Variants in AKAP19 observed in about 807,000 individuals in gnomAD.
The protein encoded by AKAP19 is small A-kinase anchoring protein.
chr2:189,985,643 A>G, the AKAP19 span, among the ~76,000 whole-genome samples: 1 of 152,206 alleles, frequency 6.6e-6, no homozygotes, highest in Admixed American at 6.5e-5. Flanking sequence ...AACAAAAAGA[A>G]TGAGCTTGGA....
chr2:190,066,561 A>G, the AKAP19 span, among the ~76,000 whole-genome samples: 4 of 152,226 alleles, frequency 2.6e-5, no homozygotes, highest in Non-Finnish European at 5.9e-5. Flanking sequence ...TCTTAGAGCC[A>G]GAAAAAATCT....
the AKAP19 span, among the ~76,000 whole-genome samples, chr2:189,991,356 C>G: frequency 6.6e-6 from 1 of 152,076 alleles, no homozygotes; most frequent in Admixed American, 6.6e-5. Context: ...ACTGCAACAT[C>G]TATTATTTTT....
At chr2:190,155,722 T>G in the AKAP19 span, among the ~76,000 whole-genome samples, 1 of 152,110 alleles carries the variant, frequency 6.6e-6, no homozygotes, top group Non-Finnish European at 1.5e-5. Context: ...AGAGAGTAGC[T>G]TGAACAATGA....
the AKAP19 span, among the ~76,000 whole-genome samples, chr2:190,106,051 G>A: frequency 5.3e-5 from 8 of 152,342 alleles, no homozygotes; most frequent in East Asian, 1.5e-3. Flanking sequence ...TTTTCATATT[G>A]TGTGACAAGA....
the AKAP19 span, among the ~76,000 whole-genome samples, chr2:190,092,423 G>A: frequency 6.6e-6 from 1 of 151,928 alleles, no homozygotes; most frequent in Non-Finnish European, 1.5e-5. Context: ...GGTCTCGGGG[G>A]TAAGGGCACA....
chr2:190,142,749 G>A, the AKAP19 span, among the ~76,000 whole-genome samples: 1 of 152,214 alleles, frequency 6.6e-6, no homozygotes, highest in Non-Finnish European at 1.5e-5. Flanking sequence ...CTTGACTGCA[G>A]CCACTGTGCA....
chr2:190,129,248 A>G, the AKAP19 span, among the ~76,000 whole-genome samples: 1 of 152,178 alleles, frequency 6.6e-6, no homozygotes, highest in African/African-American at 2.4e-5. Flanking sequence ...CTTTTTCTAT[A>G]AAAGTGTGGT....
the AKAP19 span, among the ~76,000 whole-genome samples, chr2:189,998,860 C>A: frequency 1.4e-5 from 2 of 147,066 alleles, no homozygotes; most frequent in Admixed American, 1.4e-4. Context: ...GCAACCTCCA[C>A]CTCCCAAGTT....
chr2:189,935,384 TA>T, the AKAP19 span, among the ~76,000 whole-genome samples: 1 of 152,066 alleles, frequency 6.6e-6, no homozygotes, highest in Non-Finnish European at 1.5e-5. Flanking sequence ...CTAACATTGG[TA>T]AAGTAAATAT....
At chr2:190,007,907 A>C in the AKAP19 span, among the ~76,000 whole-genome samples, 1 of 152,216 alleles carries the variant, frequency 6.6e-6, no homozygotes, top group East Asian at 1.9e-4. Context: ...GGTTGCAGTG[A>C]GCCGAGATCA....
the AKAP19 span, among the ~76,000 whole-genome samples, chr2:190,048,882 A>G: frequency 2.0e-5 from 3 of 152,204 alleles, no homozygotes. Flanking sequence ...TTCTTCCTTC[A>G]CACTTATGAC....
the AKAP19 span, among the ~76,000 whole-genome samples, chr2:190,198,875 C>A: frequency 1.3e-5 from 2 of 152,112 alleles, no homozygotes; most frequent in Non-Finnish European, 2.9e-5. Flanking sequence ...GCTTAGAAGG[C>A]ACATCACAAG....
chr2:189,903,650 CTTTTA>C, the AKAP19 span, among the ~76,000 whole-genome samples: 2 of 151,900 alleles, frequency 1.3e-5, no homozygotes, highest in Non-Finnish European at 2.9e-5. Context: ...TAAATTTTGA[CTTTTA>C]TTTTAGATAC....
chr2:190,109,913 G>A, the AKAP19 span, among the ~76,000 whole-genome samples: 2 of 152,172 alleles, frequency 1.3e-5, no homozygotes, highest in Non-Finnish European at 2.9e-5. Context: ...GATTGGCCTA[G>A]GGCAGTAGCT....
chr2:190,194,864 AT>A, the AKAP19 span, among the ~76,000 whole-genome samples: 1 of 151,830 alleles, frequency 6.6e-6, no homozygotes, highest in African/African-American at 2.4e-5. Context: ...CTGGATTATT[AT>A]TTTTTGAGGT....
chr2:190,180,714 G>T, the AKAP19 span: 1 of 985,420 alleles, frequency 1.0e-6, no homozygotes, highest in Non-Finnish European at 1.2e-6. The surrounding 1 kb of genome is among the most constrained non-coding windows in gnomAD (Gnocchi z 6.8). Flanking sequence ...CGCTCCCAGA[G>T]GGCGCGCCCT....
chr2:190,060,144 T>G, the AKAP19 span: 1 of 1,612,974 alleles, frequency 6.2e-7, no homozygotes, highest in Non-Finnish European at 8.5e-7. Flanking sequence ...AATGCCTAAG[T>G]TGGATTCAGG....
chr2:190,019,984 C>T, the AKAP19 span, among the ~76,000 whole-genome samples: 6 of 152,146 alleles, frequency 3.9e-5, no homozygotes, highest in Admixed American at 3.9e-4. Context: ...AGGACTGGGA[C>T]CTCCTATTCT....
chr2:190,032,812 C>A, the AKAP19 span, among the ~76,000 whole-genome samples: 1 of 151,986 alleles, frequency 6.6e-6, no homozygotes, highest in Non-Finnish European at 1.5e-5. Flanking sequence ...CAGGTATAAG[C>A]AGTTCCATTT....
Sources: gnomAD v4.1 joint callset for allele counts (sites outside exome capture counted in the v4.1 genomes callset) on GRCh38, gnomAD v4.1.1 for gene constraint, Gnocchi (gnomAD v3.1) non-coding constraint, MANE v1.5 for transcripts, NCBI Gene and HGNC (gene_info 2026-07-23, HGNC 2026-07-21) for gene names.